The following LRP1B variants were observed in gnomAD, a reference collection of about 807,000 sequenced individuals.
LRP1B encodes low-density lipoprotein receptor-related protein 1B.
LRP1B carries 217 observed loss-of-function variants against 556.6 expected under a neutral mutation model. The ratio of observed to expected loss-of-function variants is 0.39; its 90% CI spans 0.35 to 0.44. LRP1B has a LOEUF of 0.44. LRP1B is among the 20% of genes least tolerant of loss of function. The pLI, the probability that LRP1B is intolerant of heterozygous loss-of-function variation, is 1.00. For missense variants in LRP1B, 5,053 were observed against 5,620.8 expected (o/e 0.90, Z 3.23); for synonymous variants, 2,047 against 1,865.8 (o/e 1.10, Z -2.50).
chr2:141,644,785 A>AACACAC (rs3039266), intron 2 of LRP1B, among the ~76,000 whole-genome samples: 3 of 147,926 alleles, frequency 2.0e-5, no homozygotes, highest in African/African-American at 7.5e-5. Context: ...ACACACACAC[A>AACACAC]ACACACACAC....
At chr2:140,976,215 C>T (rs1038984882) in intron 18 of LRP1B, among the ~76,000 whole-genome samples, 4 of 151,844 alleles carry the variant, frequency 2.6e-5, no homozygotes, top group Non-Finnish European at 4.4e-5. Flanking sequence ...CCACCATGCC[C>T]GCCTACTCTT....
intron 3 of LRP1B, among the ~76,000 whole-genome samples, chr2:141,447,035 C>A (rs1271506680): frequency 2.0e-5 from 3 of 152,092 alleles, no homozygotes; most frequent in African/African-American, 7.2e-5. Context: ...TCTTCCATCA[C>A]TTTCAGGTAT....
chr2:140,484,955 G>T (rs998552014), intron 59 of LRP1B, among the ~76,000 whole-genome samples: 4 of 152,030 alleles, frequency 2.6e-5, no homozygotes, highest in African/African-American at 9.7e-5. Flanking sequence ...GTGGTGCAGG[G>T]ATTACTTTGT....
chr2:141,135,546 T>G (rs1701470984), intron 7 of LRP1B, among the ~76,000 whole-genome samples: 1 of 152,004 alleles, frequency 6.6e-6, no homozygotes, highest in Admixed American at 6.6e-5. Context: ...ATGATAGAAC[T>G]ACAAATAAAC....
chr2:140,653,939 C>T (rs955115999), intron 41 of LRP1B, among the ~76,000 whole-genome samples: 4 of 145,434 alleles, frequency 2.8e-5, no homozygotes, highest in Non-Finnish European at 1.5e-5. Context: ...GCAGGAGAAT[C>T]GCTTGAACCT....
intron 18 of LRP1B, among the ~76,000 whole-genome samples, chr2:140,965,559 TA>T (rs1347241111): frequency 6.5e-4 from 34 of 52,650 alleles, no homozygotes; most frequent in Non-Finnish European, 1.8e-3. Context: ...GATTTTCTTT[TA>T]ATTTTTTTAT....
intron 1 of LRP1B, among the ~76,000 whole-genome samples, chr2:141,969,044 A>G (rs1574543727): frequency 1.3e-5 from 2 of 151,176 alleles, no homozygotes; most frequent in Non-Finnish European, 1.5e-5. Context: ...TGCCTATATT[A>G]TAGCCTACAA....
intron 7 of LRP1B, among the ~76,000 whole-genome samples, chr2:141,152,387 G>C (rs536986811): frequency 1.3e-4 from 20 of 151,928 alleles, no homozygotes; most frequent in Non-Finnish European, 2.7e-4. Context: ...CAGCTAATAA[G>C]TAATGTATCT....
chr2:140,366,168 G>C (rs1181876211), intron 71 of LRP1B, among the ~76,000 whole-genome samples: 3 of 151,702 alleles, frequency 2.0e-5, no homozygotes, highest in Non-Finnish European at 4.4e-5. Flanking sequence ...TATTTCAAGA[G>C]AGGTCATGGC....
chr2:142,114,457 T>G (rs1428207513), intron 1 of LRP1B, among the ~76,000 whole-genome samples: 1 of 152,154 alleles, frequency 6.6e-6, no homozygotes, highest in Non-Finnish European at 1.5e-5. Context: ...ATCAAAGAGA[T>G]ATCTGTGCCA....
chr2:141,054,504 TA>T (rs1699124500), intron 10 of LRP1B, among the ~76,000 whole-genome samples: 2 of 151,982 alleles, frequency 1.3e-5, no homozygotes, highest in South Asian at 4.1e-4. Flanking sequence ...ATATTTAAAT[TA>T]AAATAAATTA....
intron 5 of LRP1B, among the ~76,000 whole-genome samples, chr2:141,230,532 C>G (rs1265512117): frequency 6.6e-6 from 1 of 152,160 alleles, no homozygotes; most frequent in East Asian, 1.9e-4. Context: ...CTATTTTAAC[C>G]AGAGCAAAAT....
chr2:141,291,855 C>CAAAA lies in LRP1B; in HGVS notation c.344-37218_344-37215dup, dbSNP rs143819331. ...TGGGCGAAAGAGCGAGACTCTGTCT[C>CAAAA]AAAAAAAAAAAAAAAAAAAAAAAAA... On this transcript the variant is annotated intron_variant, in intron 3 of 90. Coordinates refer to ENST00000389484, the MANE Select transcript of LRP1B (RefSeq NM_018557.3). 6.8e-3 allele frequency among the ~76,000 whole-genome samples: 671 copies of CAAAA among 99,232 alleles called. 55 individuals carry two copies. Among genetic ancestry groups the CAAAA allele is most frequent in the Non-Finnish European group, 9.4e-3 (482 of 51,370 alleles). 65.1% of individuals were successfully genotyped at this position (99,232 alleles called of 152,430 possible). A position where few individuals can be genotyped will look rare whatever the true frequency, so the allele number is the denominator to read the frequency against.
At chr2:140,316,843 C>A (rs906072590) in intron 82 of LRP1B, among the ~76,000 whole-genome samples, 1 of 152,074 alleles carries the variant, frequency 6.6e-6, no homozygotes, top group Non-Finnish European at 1.5e-5. Context: ...GACTTCAGCC[C>A]TTATCGACTG....
Position 140,700,242 on chromosome 2 carries a change from G to A in LRP1B, c.6799+8C>T. ...TCCACCTATTTAAAATTGAATTACT[G>A]TACTTACTTTCAACAATTACTTGTC... On this transcript the variant is annotated splice_region_variant and intron_variant, in intron 41 of 90. Coordinates refer to ENST00000389484, the MANE Select transcript of LRP1B (RefSeq NM_018557.3). 2 of 1,603,948 alleles carry A rather than the reference G, an allele frequency of 1.2e-6. No individual in the cohort carries two copies. Among genetic ancestry groups the A allele is most frequent in the Non-Finnish European group, 1.7e-6 (2 of 1,173,556 alleles).
intron 1 of LRP1B, among the ~76,000 whole-genome samples, chr2:141,947,453 A>G (rs1700983632): frequency 6.6e-6 from 1 of 151,980 alleles, no homozygotes; most frequent in Admixed American, 6.6e-5. Flanking sequence ...ATAAATAAAT[A>G]ATAAATAAAA....
chr2:141,517,643 T>A (rs1278965268), intron 2 of LRP1B, among the ~76,000 whole-genome samples: 5 of 152,194 alleles, frequency 3.3e-5, no homozygotes, highest in African/African-American at 1.2e-4. Context: ...AATAACATTG[T>A]AACTGGTGTA....
At chr2:141,821,091 T>C (rs1007640385) in intron 1 of LRP1B, among the ~76,000 whole-genome samples, 3 of 152,150 alleles carry the variant, frequency 2.0e-5, no homozygotes, top group Non-Finnish European at 4.4e-5. Context: ...CATCAAGGAA[T>C]GTAGGCTAAC....
intron 1 of LRP1B, among the ~76,000 whole-genome samples, chr2:142,059,259 C>T (rs1048613282): frequency 3.9e-5 from 6 of 152,026 alleles, no homozygotes; most frequent in African/African-American, 1.4e-4. Context: ...TACTAAAAGT[C>T]ATAATGACAA....
Sources: allele counts gnomAD v4.1 joint callset (sites outside exome capture counted in the v4.1 genomes callset), GRCh38; gene constraint gnomAD v4.1.1; transcripts MANE v1.5; gene names NCBI Gene and HGNC (gene_info 2026-07-23, HGNC 2026-07-21).